Variants in TUBGCP3 observed in about 807,000 individuals in gnomAD.
The protein encoded by TUBGCP3 is tubulin gamma complex component 3, also known as gamma-tubulin complex component 3.
Under a neutral mutation model 123.1 loss-of-function variants are expected in TUBGCP3, and 50 were observed. That is an observed-to-expected ratio of 0.41 (90% CI 0.32 to 0.51). The LOEUF (loss-of-function observed/expected upper bound fraction) is 0.51, where lower values mean the gene tolerates loss of function less well. TUBGCP3 is among the 20% of genes least tolerant of loss of function. TUBGCP3 has a pLI of 0.36. For missense variants in TUBGCP3, 882 were observed against 1,127.0 expected (o/e 0.78, Z 3.11); for synonymous variants, 405 against 413.9 (o/e 0.98, Z 0.26).
intron 20 of TUBGCP3, among the ~76,000 whole-genome samples, chr13:112,497,566 T>C (rs1241729446): frequency 6.6e-6 from 1 of 152,246 alleles, no homozygotes; most frequent in Admixed American, 6.5e-5. Flanking sequence ...CAAGAGTTAG[T>C]ACCATCATAT....
At chr13:112,601,239 A>G in the TUBGCP3 span, among the ~76,000 whole-genome samples, 43 of 152,128 alleles carry the variant, frequency 2.8e-4, no homozygotes, top group East Asian at 7.0e-3. Flanking sequence ...GCTTTTCATA[A>G]TGGTGATGAA....
chr13:112,556,232 A>C lies in TUBGCP3; in HGVS notation c.549-8T>G, dbSNP rs1463659207. 1.2e-6 allele frequency: 2 copies of C among 1,610,538 alleles called. No individual in the cohort carries two copies. The highest frequency in any genetic ancestry group is 4.5e-5 in the East Asian group (2 of 44,738). ...GGAGCTTGATTAGACTGTCTAAAAA[A>C]AGAAACATGTATTATCTTCTAATAG... is the stretch of plus-strand genomic sequence containing the variant. On this transcript the variant is annotated splice_region_variant and splice_polypyrimidine_tract_variant and intron_variant, in intron 5 of 21. Transcript: ENST00000261965.
In TUBGCP3 at chr13:112,545,308, T is replaced by C. The variant is rs1304650655; in HGVS notation, c.1335+391A>G. 1.9e-5 allele frequency: 4 copies of C among 205,540 alleles called. No homozygotes were observed. The Admixed American group carries it at 2.0e-4, about 10-fold the overall frequency. 12.7% of individuals were successfully genotyped at this position (205,540 alleles called of 1,614,324 possible). ...CTATTTCAATAGCTACATACACAACTAACTTGTTTCATTAAGCTGTTAGCA... is the reference window on the plus strand; with the variant it reads ...CTATTTCAATAGCTACATACACAACCAACTTGTTTCATTAAGCTGTTAGCA... On this transcript the variant is annotated intron_variant, in intron 11 of 21. Coordinates refer to ENST00000261965, the MANE Select transcript of TUBGCP3 (RefSeq NM_006322.6). This position sits in a 1 kb window ranked among gnomAD's most constrained non-coding sequence, Gnocchi z 4.1.
chr13:112,493,352 T>A (rs1408527242), intron 20 of TUBGCP3, among the ~76,000 whole-genome samples: 2 of 150,028 alleles, frequency 1.3e-5, no homozygotes, highest in Non-Finnish European at 3.0e-5. Context: ...ACGCTCTGGC[T>A]ATGGGAACAG....
At chr13:112,579,280 C>A (rs1882094690) in intron 1 of TUBGCP3, among the ~76,000 whole-genome samples, 1 of 152,122 alleles carries the variant, frequency 6.6e-6, no homozygotes, top group South Asian at 2.1e-4. Flanking sequence ...CTGCTGAGTG[C>A]AGGTGGGGCC....
intron 17 of TUBGCP3, among the ~76,000 whole-genome samples, chr13:112,514,384 G>C (rs1262061984): frequency 6.6e-6 from 1 of 152,130 alleles, no homozygotes; most frequent in Non-Finnish European, 1.5e-5. Flanking sequence ...AGGCATGGTG[G>C]CTTATGCCTG....
At chr13:112,574,410 C>G (rs1417508990) in intron 1 of TUBGCP3, among the ~76,000 whole-genome samples, 1 of 151,502 alleles carries the variant, frequency 6.6e-6, no homozygotes. Context: ...CACAGAGAAT[C>G]TTCAAGTGGG....
chr13:112,593,883 C>T, the TUBGCP3 span, among the ~76,000 whole-genome samples: 4 of 151,826 alleles, frequency 2.6e-5, no homozygotes, highest in African/African-American at 9.7e-5. Context: ...CATGGTGAAA[C>T]TAAAAATATC....
chr13:112,540,969 C>T (rs953424787), intron 11 of TUBGCP3, among the ~76,000 whole-genome samples: 2 of 152,094 alleles, frequency 1.3e-5, no homozygotes, highest in Non-Finnish European at 1.5e-5. Context: ...ATATTCTAAG[C>T]AACAAGAGTG....
intron 19 of TUBGCP3, 101 bp from the exon 20 acceptor site, chr13:112,499,286 C>T (rs1880734860): frequency 7.1e-7 from 1 of 1,401,240 alleles, no homozygotes; most frequent in Admixed American, 2.6e-5. Context: ...AACAAGATAT[C>T]AACTGAAATT....
chr13:112,535,830 G>GA (rs1877999952), intron 11 of TUBGCP3, among the ~76,000 whole-genome samples: 1 of 152,140 alleles, frequency 6.6e-6, no homozygotes, highest in Admixed American at 6.5e-5. Context: ...ACATATCTAA[G>GA]AAACTGCTGC....
chr13:112,553,026 C>T (rs971933629), intron 8 of TUBGCP3, among the ~76,000 whole-genome samples: 3 of 151,192 alleles, frequency 2.0e-5, no homozygotes, highest in African/African-American at 7.3e-5. Flanking sequence ...CACTCCTCCT[C>T]ACTAGCCACA....
intron 1 of TUBGCP3, among the ~76,000 whole-genome samples, chr13:112,574,485 G>GTAACA (rs1881658084): frequency 6.6e-6 from 1 of 152,246 alleles, no homozygotes; most frequent in Non-Finnish European, 1.5e-5. Context: ...CCCCAGAAAT[G>GTAACA]TAACAAAGGA....
the TUBGCP3 span, among the ~76,000 whole-genome samples, chr13:112,597,838 A>G: frequency 6.6e-6 from 1 of 152,194 alleles, no homozygotes; most frequent in East Asian, 1.9e-4. Flanking sequence ...CATAACATTC[A>G]TATAATTGGA....
the TUBGCP3 span, chr13:112,603,370 CT>C: frequency 6.6e-6 from 1 of 152,176 alleles, no homozygotes; most frequent in Non-Finnish European, 1.5e-5. Flanking sequence ...ACTACTAAAT[CT>C]CTAATATTTG....
chr13:112,513,133 C>T (rs1261125122), intron 17 of TUBGCP3, among the ~76,000 whole-genome samples: 6 of 152,196 alleles, frequency 3.9e-5, no homozygotes, highest in African/African-American at 1.4e-4. Context: ...CCCTCCCCAC[C>T]CCACACAAAG....
At chr13:112,593,892 T>A in the TUBGCP3 span, among the ~76,000 whole-genome samples, 2 of 151,926 alleles carry the variant, frequency 1.3e-5, no homozygotes, top group Non-Finnish European at 2.9e-5. Context: ...ACTAAAAATA[T>A]CACAAAGAAA....
At chr13:112,575,918 G>C (rs560861063) in intron 1 of TUBGCP3, among the ~76,000 whole-genome samples, 1 of 152,310 alleles carries the variant, frequency 6.6e-6, no homozygotes, top group African/African-American at 2.4e-5. Flanking sequence ...AGAGCCTCCA[G>C]GGGTAGCCCA....
chr13:112,499,447 G>A (rs985731714), intron 19 of TUBGCP3, among the ~76,000 whole-genome samples: 2 of 152,174 alleles, frequency 1.3e-5, no homozygotes, highest in African/African-American at 2.4e-5. Context: ...AAGTCCCACG[G>A]CGGGCCAGGA....
Sources: allele counts gnomAD v4.1 joint callset (sites outside exome capture counted in the v4.1 genomes callset), GRCh38; gene constraint gnomAD v4.1.1; non-coding constraint Gnocchi (gnomAD v3.1); transcripts MANE v1.5; gene names NCBI Gene and HGNC (gene_info 2026-07-23, HGNC 2026-07-21).